EFHD1: variants seen among roughly 807,000 people sequenced by gnomAD.
EFHD1 encodes the protein EF-hand domain-containing protein D1.
Under a neutral mutation model 17.2 loss-of-function variants are expected in EFHD1, and 10 were observed. That is an observed-to-expected ratio of 0.58 (90% CI 0.36 to 0.99). The LOEUF (loss-of-function observed/expected upper bound fraction) is 0.99, where lower values mean the gene tolerates loss of function less well. EFHD1 is among the 50% of genes least tolerant of loss of function. The pLI is 0.01. For synonymous variants in EFHD1, 153 were observed against 142.0 expected (o/e 1.08, Z -0.55); for missense variants, 310 against 327.5 (o/e 0.95, Z 0.41).
At chr2:232,614,220 T>C (rs1693877808) in intron 1 of EFHD1, among the ~76,000 whole-genome samples, 1 of 152,134 alleles carries the variant, frequency 6.6e-6, no homozygotes, top group Admixed American at 6.6e-5. Context: ...CTAAATACAG[T>C]TGGCCCTTGA....
At chr2:232,647,891 C>T (rs993177743) in intron 1 of EFHD1, among the ~76,000 whole-genome samples, 4 of 152,104 alleles carry the variant, frequency 2.6e-5, no homozygotes, top group African/African-American at 9.7e-5. Context: ...CCCACCTCGG[C>T]CTCCCTAAGT....
chr2:232,634,537 T>C (rs768792164), intron 1 of EFHD1, among the ~76,000 whole-genome samples: 2 of 152,130 alleles, frequency 1.3e-5, no homozygotes, highest in South Asian at 2.1e-4. Flanking sequence ...TTCAGGACTT[T>C]CCTGGAGCAG....
At chr2:232,628,224 C>T (rs774859129) in intron 1 of EFHD1, among the ~76,000 whole-genome samples, 4 of 152,100 alleles carry the variant, frequency 2.6e-5, no homozygotes, top group Non-Finnish European at 5.9e-5. Flanking sequence ...CCAAGGCCAG[C>T]TAATTTTTGT....
At chr2:232,680,252 A>G (rs12233217) in intron 3 of EFHD1, among the ~76,000 whole-genome samples, 40,620 of 151,672 alleles carry the variant, frequency 0.27, 5,641 homozygotes, top group East Asian at 0.4. Flanking sequence ...TCCAGCCTGG[A>G]CAACAGAGTG....
At chr2:232,672,669 T>G (rs1218360735) in intron 3 of EFHD1, among the ~76,000 whole-genome samples, 1 of 152,180 alleles carries the variant, frequency 6.6e-6, no homozygotes, top group Non-Finnish European at 1.5e-5. Context: ...TGTCTTCATC[T>G]GTATGATGGA....
intron 1 of EFHD1, among the ~76,000 whole-genome samples, chr2:232,651,706 C>T (rs1208567456): frequency 6.6e-6 from 1 of 152,206 alleles, no homozygotes; most frequent in East Asian, 1.9e-4. Context: ...CCTGTAGTCC[C>T]ACCTACTCAG....
chr2:232,642,788 A>AGTCACCTCCAGCTGTTCCCGAGG (rs1694456820), intron 1 of EFHD1, among the ~76,000 whole-genome samples: 1 of 151,250 alleles, frequency 6.6e-6, no homozygotes, highest in African/African-American at 2.4e-5. Context: ...TGTTCCCGAG[A>AGTCACCTCCAGCTGTTCCCGAGG]GTCACCTCCA....
upstream of EFHD1, chr2:232,633,533 TCCGCCCCGA>T (rs1170980144): frequency 7.2e-5 from 92 of 1,282,498 alleles, no homozygotes; most frequent in Non-Finnish European, 8.9e-5. Context: ...AAGCCGCAGC[TCCGCCCCGA>T]CCGCCCCGCC....
chr2:232,641,356 G>A (rs2106197985), intron 1 of EFHD1, among the ~76,000 whole-genome samples: 2 of 152,276 alleles, frequency 1.3e-5, no homozygotes, highest in Admixed American at 1.3e-4. Flanking sequence ...CTGAGAAATG[G>A]AACGAAAGGT....
intron 1 of EFHD1, among the ~76,000 whole-genome samples, chr2:232,646,400 T>G (rs1331721242): frequency 6.6e-6 from 1 of 151,514 alleles, no homozygotes. Flanking sequence ...CCGTTGTCTG[T>G]TATTGCTGAT....
chr2:232,630,569 C>T (rs372299011), upstream of EFHD1, among the ~76,000 whole-genome samples: 6 of 152,198 alleles, frequency 3.9e-5, no homozygotes, highest in African/African-American at 1.4e-4. Flanking sequence ...AGTATGCAAG[C>T]GCATTATCTA....
intron 3 of EFHD1, among the ~76,000 whole-genome samples, chr2:232,680,268 C>G (rs541330502): frequency 6.7e-6 from 1 of 149,448 alleles, no homozygotes; most frequent in South Asian, 2.1e-4. Context: ...GAGTGAGACT[C>G]TGTCTAAAAA....
intron 1 of EFHD1, chr2:232,662,600 G>A (rs962579187): frequency 5.6e-6 from 3 of 539,446 alleles, no homozygotes; most frequent in Non-Finnish European, 9.2e-6. Flanking sequence ...CCAACAGGTA[G>A]TACAAGATCT....
At chr2:232,669,315 A>T (rs754872220) in intron 2 of EFHD1, among the ~76,000 whole-genome samples, 1 of 152,172 alleles carries the variant, frequency 6.6e-6, no homozygotes, top group African/African-American at 2.4e-5. Flanking sequence ...GTGGTTGAAC[A>T]TGGCTGACCG....
intron 1 of EFHD1, among the ~76,000 whole-genome samples, chr2:232,661,484 C>T: frequency 6.6e-6 from 1 of 151,842 alleles, no homozygotes; most frequent in East Asian, 1.9e-4. Context: ...CCTTCCCTTC[C>T]TTTTTATTGC....
At position 232,607,591 on chromosome 2, in the gene EFHD1, CAA is replaced by C. The variant is rs34534356; in HGVS notation, c.14+1432_14+1433del. On this transcript the variant is annotated intron_variant, in intron 1 of 3. Transcript: ENST00000409613. ...CCTGGGTAACAGAGCGAGAATGTCT[CAA>C]AAAAAAAAAAAAATTAGCTGGGTGT... Among the ~76,000 whole-genome samples, 162 of 133,106 alleles carry C rather than the reference CAA, an allele frequency of 1.2e-3. 1 individual carries two copies. The highest frequency in any genetic ancestry group is 3.7e-3 in the African/African-American group (140 of 37,548). The allele number at this position is 133,106 out of a possible 152,430, so 87.3% of individuals were successfully genotyped here. A position where few individuals can be genotyped will look rare whatever the true frequency, so the allele number is the denominator to read the frequency against.
At chr2:232,647,933 G>A (rs369465532) in intron 1 of EFHD1, among the ~76,000 whole-genome samples, 4 of 151,806 alleles carry the variant, frequency 2.6e-5, no homozygotes, top group Admixed American at 6.6e-5. Flanking sequence ...CACTGCACCC[G>A]GCCTCCTTTC....
At chr2:232,644,444 C>T (rs1356905899) in intron 1 of EFHD1, among the ~76,000 whole-genome samples, 1 of 151,942 alleles carries the variant, frequency 6.6e-6, no homozygotes, top group African/African-American at 2.4e-5. Flanking sequence ...GCTTGGAGGC[C>T]TTTGTATAAG....
intron 1 of EFHD1, among the ~76,000 whole-genome samples, chr2:232,644,296 C>T (rs369485866): frequency 4.6e-5 from 7 of 152,068 alleles, no homozygotes; most frequent in African/African-American, 1.4e-4. Flanking sequence ...TTTTTCTCAT[C>T]GGGGGTGCCA....
Sources: gnomAD v4.1 joint callset for allele counts (sites outside exome capture counted in the v4.1 genomes callset) on GRCh38, gnomAD v4.1.1 for gene constraint, MANE v1.5 for transcripts, NCBI Gene and HGNC (gene_info 2026-07-23, HGNC 2026-07-21) for gene names.